FIP1L1: variants seen among roughly 807,000 people sequenced by gnomAD.
FIP1L1 encodes the protein factor interacting with PAPOLA and CPSF1.
Under a neutral mutation model 84.6 loss-of-function variants are expected in FIP1L1, and 21 were observed. That is an observed-to-expected ratio of 0.25 (90% CI 0.18 to 0.36). FIP1L1 has a LOEUF of 0.36. Ranked by LOEUF, FIP1L1 falls within the 10% of genes least tolerant of loss-of-function variation. The pLI is 1.00. For synonymous variants in FIP1L1, 263 were observed against 242.3 expected, an observed-to-expected ratio of 1.09 and a Z score of -0.80; for missense variants, 526 against 751.1, an observed-to-expected ratio of 0.70 and a Z score of 3.50.
intron 10 of FIP1L1, among the ~76,000 whole-genome samples, chr4:53,404,730 T>C (rs1483224505): frequency 1.3e-5 from 2 of 152,222 alleles, no homozygotes. Context: ...GCTATCTCAT[T>C]GTGGTTTTGA....
chr4:53,390,178 G>C (rs1332417243), intron 6 of FIP1L1, among the ~76,000 whole-genome samples: 1 of 152,110 alleles, frequency 6.6e-6, no homozygotes, highest in Non-Finnish European at 1.5e-5. Context: ...GAGCTTAAGT[G>C]ATCTACCTGC....
intron 15 of FIP1L1, among the ~76,000 whole-genome samples, chr4:53,447,420 T>A (rs1398590618): frequency 6.6e-6 from 1 of 152,158 alleles, no homozygotes; most frequent in Non-Finnish European, 1.5e-5. Flanking sequence ...TTCTAAGCCT[T>A]CACTGAACTT....
At chr4:53,414,538 G>GAAAA in intron 10 of FIP1L1, 77 bp from the exon 11 acceptor site, 5 of 736,070 alleles carry the variant, frequency 6.8e-6, no homozygotes, top group South Asian at 2.1e-5. Flanking sequence ...AGCATGTCAA[G>GAAAA]AAAAAAAAAA....
chr4:53,418,828 T>C (rs1209229040), intron 11 of FIP1L1, among the ~76,000 whole-genome samples: 1 of 152,232 alleles, frequency 6.6e-6, no homozygotes, highest in Non-Finnish European at 1.5e-5. Context: ...ACAATACTTA[T>C]AATAAAACTG....
intron 13 of FIP1L1, among the ~76,000 whole-genome samples, chr4:53,430,910 G>T (rs550684430): frequency 6.6e-6 from 1 of 152,244 alleles, no homozygotes; most frequent in South Asian, 2.1e-4. Context: ...TACCTAACTG[G>T]TATATGTGCT....
chr4:53,409,284 C>G (rs373253567), intron 10 of FIP1L1, among the ~76,000 whole-genome samples: 1 of 152,186 alleles, frequency 6.6e-6, no homozygotes, highest in South Asian at 2.1e-4. Flanking sequence ...TGCCTGGATA[C>G]CAGCAGCGGT....
chr4:53,400,594 A>G (rs977019755), intron 10 of FIP1L1, among the ~76,000 whole-genome samples: 1 of 152,198 alleles, frequency 6.6e-6, no homozygotes, highest in African/African-American at 2.4e-5. Context: ...TTTATTTTAT[A>G]TAGTTTTCTG....
intron 11 of FIP1L1, among the ~76,000 whole-genome samples, chr4:53,422,643 G>A (rs537127844): frequency 3.3e-5 from 5 of 151,972 alleles, no homozygotes; most frequent in African/African-American, 1.2e-4. Context: ...GCACATTAAA[G>A]ACATTTGTTG....
intron 11 of FIP1L1, among the ~76,000 whole-genome samples, chr4:53,417,213 T>C (rs1403814019): frequency 2.0e-5 from 3 of 152,188 alleles, no homozygotes. Context: ...ACTCCATCTA[T>C]ACCTACTTCT....
rs1249768251 is a variant in FIP1L1 at position 53,417,811 on chromosome 4, T to A, written c.923+3089T>A. On this transcript the variant is annotated intron_variant, in intron 11 of 17. Transcript: ENST00000337488. Reference sequence around the variant, plus strand: ...CTCTCTCTCTCTCTCTCTCTCTCTCTCTCTCTCTCAGGCTACTTTTTCTCT... The same window carrying A: ...CTCTCTCTCTCTCTCTCTCTCTCTCACTCTCTCTCAGGCTACTTTTTCTCT... 6.5e-4 allele frequency among the ~76,000 whole-genome samples: 62 copies of A among 94,916 alleles called. No homozygotes were observed. In the South Asian group the frequency reaches 0.011, roughly 17 times the overall value. 62.3% of individuals were successfully genotyped at this position (94,916 alleles called of 152,430 possible).
intron 10 of FIP1L1, among the ~76,000 whole-genome samples, chr4:53,408,972 T>A (rs532888311): frequency 6.6e-6 from 1 of 152,350 alleles, no homozygotes; most frequent in South Asian, 2.1e-4. Context: ...AGTTTGATCG[T>A]CTGAAGCTTT....
intron 12 of FIP1L1, among the ~76,000 whole-genome samples, chr4:53,427,500 C>A (rs1764794709): frequency 6.6e-6 from 1 of 151,914 alleles, no homozygotes; most frequent in South Asian, 2.1e-4. Context: ...AAGTTACTTA[C>A]ATATCTTGCT....
In FIP1L1 at chr4:53,387,089, TGTCCAG is replaced by T. The variant is rs998642729; in HGVS notation, c.333-2717_333-2712del. On this transcript the variant is annotated intron_variant, in intron 5 of 17. Transcript: ENST00000337488. ...CATTGACTAATAGATGTGAAGTAGTTGTCCAGGTGAGATGATAATCTAGACTAAGGC... is the reference window on the plus strand; with the variant it reads ...CATTGACTAATAGATGTGAAGTAGTTGTGAGATGATAATCTAGACTAAGGC... 2.5e-4 allele frequency among the ~76,000 whole-genome samples: 38 copies of T among 152,328 alleles called. 1 individual carries two copies. Among genetic ancestry groups the T allele is most frequent in the African/African-American group, 8.7e-4 (36 of 41,584 alleles).
intron 13 of FIP1L1, among the ~76,000 whole-genome samples, chr4:53,432,214 G>C (rs1245930004): frequency 6.6e-6 from 1 of 151,702 alleles, no homozygotes; most frequent in Non-Finnish European, 1.5e-5. Flanking sequence ...TGGCCAACAT[G>C]GTGAAACTCC....
intron 1 of FIP1L1, chr4:53,378,463 AT>A (rs1465173718): frequency 1.3e-5 from 2 of 152,496 alleles, no homozygotes; most frequent in African/African-American, 4.8e-5. Context: ...TTTAAAAATA[AT>A]TAATTAAGAG....
intron 3 of FIP1L1, 49 bp from the exon 4 acceptor site, chr4:53,382,229 C>A: frequency 7.5e-7 from 1 of 1,327,478 alleles, no homozygotes; most frequent in Non-Finnish European, 1.1e-6. Context: ...TCTATCTGTA[C>A]TTCCGAAAAG....
chr4:53,440,805 G>T, intron 13 of FIP1L1: 1 of 512,186 alleles, frequency 2.0e-6, no homozygotes, highest in African/African-American at 2.0e-5. Context: ...TGTCTTACCC[G>T]TTTCTGTAGA....
Position 53,377,893 on chromosome 4 carries a change from G to T in FIP1L1, c.55G>T (p.Gly19Trp). 1 of 1,601,322 alleles carries T rather than the reference G, an allele frequency of 6.2e-7. No homozygotes were observed. Among genetic ancestry groups the T allele is most frequent in the Non-Finnish European group, 8.5e-7 (1 of 1,173,948 alleles). Residue 19 changes from glycine (G) to tryptophan (W), a missense_variant, in exon 1 of 18, where the codon GGG becomes TGG. Gly to Trp is a radical substitution (Grantham distance 184). Transcript: ENST00000337488. Reference protein sequence around the residue: ...LVSELSGGTGGDEEEEWLYGG... With the variant: ...LVSELSGGTGWDEEEEWLYGG... Reference sequence around the variant, plus strand: ...GTCGGAGCTGAGCGGCGGGACCGGAGGGGATGAGGAGGAAGAGTGGCTCTA... The same window carrying T: ...GTCGGAGCTGAGCGGCGGGACCGGATGGGATGAGGAGGAAGAGTGGCTCTA...
At chr4:53,428,290 AATAG>A (rs1765116897) in intron 13 of FIP1L1, 107 bp downstream of exon 13, 3 of 1,055,958 alleles carry the variant, frequency 2.8e-6, no homozygotes, top group African/African-American at 3.2e-5. Context: ...CATTAAAAGT[AATAG>A]ATATAATATC....
Sources: gnomAD v4.1 joint callset for allele counts (sites outside exome capture counted in the v4.1 genomes callset) on GRCh38, gnomAD v4.1.1 for gene constraint, MANE v1.5 for transcripts, NCBI Gene and HGNC (gene_info 2026-07-23, HGNC 2026-07-21) for gene names.